ARHGEF3: variants seen among roughly 807,000 people sequenced by gnomAD.
ARHGEF3 encodes the protein 59.8 kDA protein.
A neutral mutation model predicts 63.2 loss-of-function variants in ARHGEF3; 28 were observed. The observed-to-expected ratio is 0.44, with a 90% CI of 0.33 to 0.61. The LOEUF is 0.61. Ranked by LOEUF, ARHGEF3 falls within the 20% of genes least tolerant of loss-of-function variation. The pLI is 0.03. For synonymous variants in ARHGEF3, 266 were observed against 254.2 expected, an observed-to-expected ratio of 1.05 and a Z score of -0.44; for missense variants, 533 against 659.3, an observed-to-expected ratio of 0.81 and a Z score of 2.10.
rs577724055 is a variant in ARHGEF3 at position 56,900,048 on chromosome 3, G to A, written c.130-17694C>T. Among the ~76,000 whole-genome samples the A allele has an allele frequency of 1.1e-4, 16 of 152,282 alleles. No homozygotes were observed. The South Asian group carries it at 2.5e-3, about 24-fold the overall frequency. On this transcript the variant is annotated intron_variant, in intron 3 of 12. Transcript: ENST00000338458. ...CCCCTTTTTGGGAGGGGAGAGAGTG[G>A]AGGCTAGGTTTGGGGAGTGAACGGG...
Position 56,882,263 on chromosome 3 carries a change from C to T in ARHGEF3, c.192+29G>A, listed in dbSNP as rs531500259. 279 of 1,541,216 alleles carry T rather than the reference C, an allele frequency of 1.8e-4. 1 individual carries two copies. The Middle Eastern group carries it at 2.2e-3, about 12-fold the overall frequency. On this transcript the variant is annotated intron_variant, in intron 4 of 12. Transcript: ENST00000338458. The stretch of plus-strand genomic sequence containing the variant: ...TCGGAGAAGAGAGATGCTCTCGGTG[C>T]CAGTGGGGGAAGAAAGGACTATACT...
intron 7 of ARHGEF3, among the ~76,000 whole-genome samples, chr3:56,741,348 G>A (rs2034011909): frequency 6.6e-6 from 1 of 151,438 alleles, no homozygotes; most frequent in Admixed American, 6.6e-5. Flanking sequence ...ACCATGCCCG[G>A]CTAATTTTGT....
intron 2 of ARHGEF3, among the ~76,000 whole-genome samples, chr3:57,006,490 G>T (rs561827242): frequency 2.6e-5 from 4 of 152,162 alleles, no homozygotes; most frequent in African/African-American, 9.7e-5. Flanking sequence ...CTTCCAAGCC[G>T]TTAGGAAAAC....
chr3:57,016,023 TC>T (rs1702985438), intron 2 of ARHGEF3, among the ~76,000 whole-genome samples: 1 of 152,072 alleles, frequency 6.6e-6, no homozygotes, highest in African/African-American at 2.4e-5. Flanking sequence ...AGCAGGAAGT[TC>T]ACAGAGCAGA....
At chr3:56,897,021 A>G (rs1386330548) in intron 3 of ARHGEF3, among the ~76,000 whole-genome samples, 1 of 152,244 alleles carries the variant, frequency 6.6e-6, no homozygotes, top group African/African-American at 2.4e-5. Flanking sequence ...TTAACACACT[A>G]GTTTTAGTGT....
intron 2 of ARHGEF3, among the ~76,000 whole-genome samples, chr3:56,989,003 CA>C (rs769561016): frequency 6.6e-6 from 1 of 152,180 alleles, no homozygotes; most frequent in Non-Finnish European, 1.5e-5. Flanking sequence ...AGCTGGAAGA[CA>C]ATTTTTTCCA....
chr3:57,009,781 T>C (rs1702608248), intron 2 of ARHGEF3, among the ~76,000 whole-genome samples: 1 of 152,052 alleles, frequency 6.6e-6, no homozygotes, highest in African/African-American at 2.4e-5. Flanking sequence ...GAATCTCAGT[T>C]CTCAAACCAG....
At chr3:56,877,545 AT>A (rs914187847) in intron 4 of ARHGEF3, among the ~76,000 whole-genome samples, 1 of 151,260 alleles carries the variant, frequency 6.6e-6, no homozygotes, top group Non-Finnish European at 1.5e-5. Context: ...CTAATTTTTT[AT>A]TTTTTTTGTA....
intron 3 of ARHGEF3, among the ~76,000 whole-genome samples, chr3:56,937,388 T>C (rs1401463838): frequency 2.0e-5 from 3 of 152,210 alleles, no homozygotes; most frequent in African/African-American, 7.2e-5. Flanking sequence ...TACTTTGGAA[T>C]GGTTTAGTAA....
chr3:57,014,070 C>T (rs1242304562), intron 2 of ARHGEF3, among the ~76,000 whole-genome samples: 1 of 152,164 alleles, frequency 6.6e-6, no homozygotes, highest in African/African-American at 2.4e-5. Context: ...CTCTTAAAGC[C>T]AGCGAGACCA....
At chr3:57,011,006 T>C (rs886243138) in intron 2 of ARHGEF3, among the ~76,000 whole-genome samples, 2 of 152,008 alleles carry the variant, frequency 1.3e-5, no homozygotes, top group Non-Finnish European at 2.9e-5. Context: ...CAAAAGGAAA[T>C]TGCAAAGCAG....
At chr3:56,930,911 G>A (rs2042393834) in intron 3 of ARHGEF3, among the ~76,000 whole-genome samples, 1 of 152,170 alleles carries the variant, frequency 6.6e-6, no homozygotes, top group Admixed American at 6.5e-5. Context: ...AAAAGAAAGA[G>A]CGAATCGAGG....
intron 6 of ARHGEF3, among the ~76,000 whole-genome samples, chr3:56,750,264 G>A (rs1375778968): frequency 1.3e-5 from 2 of 152,112 alleles, no homozygotes; most frequent in African/African-American, 2.4e-5. Flanking sequence ...GGGAGCGGTG[G>A]GGACTGAGGC....
intron 1 of ARHGEF3, among the ~76,000 whole-genome samples, chr3:57,042,674 ATATATATATATATATATATATATATAT>A (rs1204454730): frequency 0.031 from 697 of 22,816 alleles, 65 homozygotes; most frequent in African/African-American, 0.15. Context: ...ATATATATAT[ATATATATATATATATATATATATATAT>A]TTTTTTTTTT....
intron 4 of ARHGEF3, among the ~76,000 whole-genome samples, chr3:56,830,331 C>G (rs963190477): frequency 2.6e-5 from 4 of 151,954 alleles, no homozygotes; most frequent in African/African-American, 9.7e-5. Flanking sequence ...GGCCCGTGTG[C>G]TAAGTATTTC....
chr3:57,036,709 T>C (rs1703977637), intron 1 of ARHGEF3, among the ~76,000 whole-genome samples: 1 of 152,138 alleles, frequency 6.6e-6, no homozygotes, highest in South Asian at 2.1e-4. Context: ...AGGGATAGTG[T>C]ATTGGTCTCC....
At chr3:56,752,259 T>C (rs1293355914) in intron 4 of ARHGEF3, among the ~76,000 whole-genome samples, 2 of 152,188 alleles carry the variant, frequency 1.3e-5, no homozygotes, top group Non-Finnish European at 2.9e-5. Flanking sequence ...GGTTTCACCA[T>C]GTTGGCCAGG....
At chr3:57,072,834 C>G (rs1705996244) in intron 1 of ARHGEF3, among the ~76,000 whole-genome samples, 1 of 152,040 alleles carries the variant, frequency 6.6e-6, no homozygotes, top group Non-Finnish European at 1.5e-5. Context: ...ATCACGAGGT[C>G]AGGAGTTCAA....
intron 2 of ARHGEF3, among the ~76,000 whole-genome samples, chr3:56,987,984 G>A (rs1701608088): frequency 6.6e-6 from 1 of 152,192 alleles, no homozygotes; most frequent in Non-Finnish European, 1.5e-5. Context: ...GTGACAGACA[G>A]GTATGGGCAA....
Sources: gnomAD v4.1 joint callset for allele counts (sites outside exome capture counted in the v4.1 genomes callset) on GRCh38, gnomAD v4.1.1 for gene constraint, MANE v1.5 for transcripts, NCBI Gene and HGNC (gene_info 2026-07-23, HGNC 2026-07-21) for gene names.